The following NEO1 variants were observed in gnomAD, a reference collection of about 807,000 sequenced individuals.
The protein encoded by NEO1 is neogenin.
In NEO1, 63 loss-of-function variants were observed where a neutral mutation model predicts 159.7. The observed-to-expected ratio is 0.39, with a 90% confidence interval of 0.32 to 0.49. NEO1 has a LOEUF of 0.49. Ranked by LOEUF, NEO1 falls within the 20% of genes least tolerant of loss-of-function variation. The probability of loss-of-function intolerance (pLI) is 0.85; values close to 1 mark genes in which losing one functional copy is unlikely to be tolerated. For missense variants in NEO1, 1,615 were observed against 1,831.0 expected, an observed-to-expected ratio of 0.88 and a Z score of 2.15; for synonymous variants, 633 against 662.0, an observed-to-expected ratio of 0.96 and a Z score of 0.67.
intron 19 of NEO1, 26 bp from the exon 20 acceptor site, chr15:73,273,785 C>A (rs765175235): frequency 2.5e-6 from 4 of 1,574,650 alleles, no homozygotes; most frequent in East Asian, 4.5e-5. Context: ...AGTGAGATTT[C>A]TTTTCCCATT....
chr15:73,107,888 A>G (rs1327715426), intron 1 of NEO1, among the ~76,000 whole-genome samples: 1 of 152,178 alleles, frequency 6.6e-6, no homozygotes, highest in African/African-American at 2.4e-5. Context: ...AGTGGCTTAT[A>G]AGATATTTCT....
At chr15:73,153,593 G>A (rs2033549833) in intron 5 of NEO1, among the ~76,000 whole-genome samples, 1 of 152,172 alleles carries the variant, frequency 6.6e-6, no homozygotes, top group Admixed American at 6.5e-5. Flanking sequence ...TTATATTGGC[G>A]AAAGTCGTTA....
At chr15:73,203,077 A>G (rs1375893783) in intron 7 of NEO1, among the ~76,000 whole-genome samples, 1 of 152,188 alleles carries the variant, frequency 6.6e-6, no homozygotes. Flanking sequence ...ATATGGATGT[A>G]CAAAGATCTC....
At chr15:73,076,457 T>C (rs1311246034) in intron 1 of NEO1, among the ~76,000 whole-genome samples, 1 of 152,170 alleles carries the variant, frequency 6.6e-6, no homozygotes, top group Non-Finnish European at 1.5e-5. Context: ...GAATGCTACT[T>C]ACTATTTTTC....
chr15:73,115,262 C>T (rs901826311), intron 1 of NEO1, among the ~76,000 whole-genome samples: 3 of 152,110 alleles, frequency 2.0e-5, no homozygotes, highest in Admixed American at 6.5e-5. Flanking sequence ...AGGCTGGTCT[C>T]GAACTGCTGA....
Position 73,244,998 on chromosome 15 carries a change from A to G in NEO1, c.1606+500A>G, listed in dbSNP as rs557691840. Among the ~76,000 whole-genome samples, 3 of 148,364 alleles carry G rather than the reference A, an allele frequency of 2.0e-5. No individual in the cohort carries two copies. The East Asian group carries it at 5.9e-4, about 29-fold the overall frequency. On this transcript the variant is annotated intron_variant, in intron 9 of 28. Transcript: ENST00000261908. The stretch of plus-strand genomic sequence containing the variant: ...AAAAAAAAAAACAACAGCAAATAGT[A>G]TAAGACAATATACTTCTGTTGGTGC...
intron 7 of NEO1, among the ~76,000 whole-genome samples, chr15:73,205,846 A>G (rs1245970697): frequency 6.6e-6 from 1 of 152,116 alleles, no homozygotes; most frequent in Non-Finnish European, 1.5e-5. Flanking sequence ...AGCTATTTAC[A>G]TGCCACCATT....
chr15:73,137,565 C>G (rs1036333911), intron 5 of NEO1, among the ~76,000 whole-genome samples: 2 of 152,204 alleles, frequency 1.3e-5, no homozygotes, highest in African/African-American at 2.4e-5. Flanking sequence ...GGCACAATCT[C>G]TGCTCCCTGC....
chr15:73,298,342 C>T lies in NEO1; in HGVS notation c.3902-6C>T, dbSNP rs2042461159. 6 of 1,613,374 alleles carry T rather than the reference C, an allele frequency of 3.7e-6. No individual in the cohort carries two copies. Among genetic ancestry groups the T allele is most frequent in the Non-Finnish European group, 5.1e-6 (6 of 1,179,330 alleles). ...AAATGCTAACATTTAGACTTTCCTG[C>T]TGTAGAATCCGTTCGAAATACCCCC... On this transcript the variant is annotated splice_region_variant and splice_polypyrimidine_tract_variant and intron_variant, in intron 26 of 28. Transcript: ENST00000261908.
chr15:73,186,243 A>G (rs1208724808), intron 7 of NEO1, among the ~76,000 whole-genome samples: 2 of 151,926 alleles, frequency 1.3e-5, no homozygotes, highest in Non-Finnish European at 2.9e-5. Flanking sequence ...TTAAGGGGCC[A>G]TGGTAATCTT....
chr15:73,218,186 T>C (rs1163573157), intron 7 of NEO1, among the ~76,000 whole-genome samples: 3 of 152,212 alleles, frequency 2.0e-5, no homozygotes, highest in Non-Finnish European at 2.9e-5. Flanking sequence ...GAGGTAATCA[T>C]GTGGTTTTTG....
intron 5 of NEO1, among the ~76,000 whole-genome samples, chr15:73,145,226 T>C (rs1305376685): frequency 2.0e-5 from 3 of 152,236 alleles, no homozygotes. Context: ...ACCCCACTAA[T>C]TGTATAAGAA....
In NEO1 at chr15:73,304,113, A is replaced by AC. The variant is rs781051342; in HGVS notation, c.*1425dup. 1,174 of 146,796 alleles carry AC rather than the reference A, an allele frequency of 8.0e-3. 18 individuals carry two copies. The highest frequency in any genetic ancestry group is 8.8e-3 in the Non-Finnish European group (587 of 66,538). 9.1% of individuals were successfully genotyped at this position (146,796 alleles called of 1,614,324 possible). A position where few individuals can be genotyped will look rare whatever the true frequency, so the allele number is the denominator to read the frequency against. On this transcript the variant is annotated 3_prime_UTR_variant, in exon 29 of 29. Transcript: ENST00000261908. ...GCAGGGACAGCGGAAACAGCTGCCC[A>AC]CCCCCCCCATCCCAGCAGCTCAGCT...
At chr15:73,186,337 G>A (rs2035926395) in intron 7 of NEO1, among the ~76,000 whole-genome samples, 1 of 151,236 alleles carries the variant, frequency 6.6e-6, no homozygotes, top group African/African-American at 2.4e-5. Flanking sequence ...AAAAAAAAAG[G>A]CAACCAAAAA....
At position 73,116,578 on chromosome 15, in the gene NEO1, G is replaced by T. The variant is rs2071333406; in HGVS notation, c.169G>T (p.Val57Leu). The change falls in exon 2 of 29, where the codon GTG (valine) becomes TTG (leucine). Residue 57 changes from valine (V) to leucine (L), a missense_variant. Physicochemically the swap from Val to Leu is conservative, Grantham distance 32. Around this residue, in one of 3 missense-constraint regions of NEO1, gnomAD observed 1,018 missense variants for 1,115.4 expected, o/e 0.91. Coordinates refer to ENST00000261908, the MANE Select transcript of NEO1 (RefSeq NM_002499.4). ...AACGTTCACTCCATTTTATTTTCTGGTGGAGCCGGTGGATACACTCTCAGT... is the reference window on the plus strand; with the variant it reads ...AACGTTCACTCCATTTTATTTTCTGTTGGAGCCGGTGGATACACTCTCAGT... ...IRTFTPFYFL[V>L]EPVDTLSVRG... is the part of the protein sequence containing the mutation. The T allele has an allele frequency of 6.5e-7, 1 of 1,544,562 alleles. No individual in the cohort carries two copies. The highest frequency in any genetic ancestry group is 1.4e-5 in the African/African-American group (1 of 71,816).
chr15:73,257,265 TA>T (rs10670933), intron 13 of NEO1, among the ~76,000 whole-genome samples: 1,960 of 143,034 alleles, frequency 0.014, 34 homozygotes, highest in African/African-American at 0.043. Flanking sequence ...TTGTTGCTGT[TA>T]AAAAAAAAAA....
intron 5 of NEO1, among the ~76,000 whole-genome samples, chr15:73,142,981 A>ATTTCC (rs2032546570): frequency 1.3e-5 from 2 of 152,232 alleles, no homozygotes; most frequent in Non-Finnish European, 2.9e-5. Context: ...AGTGAAAATG[A>ATTTCC]AATAAACTGA....
intron 1 of NEO1, among the ~76,000 whole-genome samples, chr15:73,087,566 T>A (rs1327561734): frequency 6.6e-6 from 1 of 152,164 alleles, no homozygotes; most frequent in Non-Finnish European, 1.5e-5. Context: ...AAAGATCATG[T>A]GGAATGTTAT....
chr15:73,165,835 T>A (rs2034533675), intron 5 of NEO1, among the ~76,000 whole-genome samples: 1 of 152,244 alleles, frequency 6.6e-6, no homozygotes, highest in African/African-American at 2.4e-5. Flanking sequence ...AGGTGAGAAT[T>A]TCTGATAGCT....
Sources: gnomAD v4.1 joint callset for allele counts (sites outside exome capture counted in the v4.1 genomes callset) on GRCh38, gnomAD v4.1.1 for gene constraint, gnomAD v4.1.1 regional missense constraint, MANE v1.5 for transcripts, NCBI Gene and HGNC (gene_info 2026-07-23, HGNC 2026-07-21) for gene names.